Variants in MAP7D2 observed in about 807,000 individuals in gnomAD.
MAP7D2 encodes MAP7 domain-containing protein 2.
Under a neutral mutation model 63.5 loss-of-function variants are expected in MAP7D2, and 33 were observed. The observed-to-expected ratio is 0.52, with a 90% CI of 0.39 to 0.70. The LOEUF (loss-of-function observed/expected upper bound fraction) is 0.70. MAP7D2 is among the 30% of genes least tolerant of loss of function. The pLI, the probability that MAP7D2 is intolerant of heterozygous loss-of-function variation, is 0.00. For missense variants in MAP7D2, 626 were observed against 604.0 expected, an observed-to-expected ratio of 1.04 and a Z score of -0.38; for synonymous variants, 224 against 223.7, an observed-to-expected ratio of 1.00 and a Z score of -0.01.
rs766352048 is a variant in MAP7D2, at chrX:20,010,842, G to A, written c.2283C>T (p.Asn761=). Residue 761 remains asparagine (N), a synonymous_variant, in exon 16 of 17, where the codon AAC becomes AAT. Transcript: ENST00000379643. ...DCNKNLIEGF[N]SPGQETPLNT... is the part of the protein sequence containing the mutation. Reference sequence around the variant, plus strand: ...TGAGAGGAGTTTCTTGGCCAGGACTGTTAAATCCTTCGATAAGGTTTTTGT... The same window carrying A: ...TGAGAGGAGTTTCTTGGCCAGGACTATTAAATCCTTCGATAAGGTTTTTGT... 57 of 1,208,446 alleles carry A rather than the reference G, an allele frequency of 4.7e-5. No individual in the cohort carries two copies. Among genetic ancestry groups the A allele is most frequent in the Non-Finnish European group, 6.3e-5 (56 of 894,681 alleles).
At chrX:20,112,433 A>T (rs1177353393) in intron 1 of MAP7D2, among the ~76,000 whole-genome samples, 1 of 112,224 alleles carries the variant, frequency 8.9e-6, no homozygotes, top group Non-Finnish European at 1.9e-5. Flanking sequence ...GGCAAGAGGA[A>T]AACAAATGCT....
At chrX:20,051,995 G>C (rs1467621276) in intron 5 of MAP7D2, among the ~76,000 whole-genome samples, 1 of 111,958 alleles carries the variant, frequency 8.9e-6, no homozygotes, top group African/African-American at 3.2e-5. Context: ...ACCTTATAGG[G>C]TCTCTGACAC....
intron 16 of MAP7D2, among the ~76,000 whole-genome samples, chrX:20,010,041 T>C (rs1363341199): frequency 8.9e-6 from 1 of 111,941 alleles, no homozygotes; most frequent in Non-Finnish European, 1.9e-5. Context: ...ATTGGAATTA[T>C]TAAATTATTA....
chrX:20,077,963 A>G (rs759475214), intron 1 of MAP7D2, among the ~76,000 whole-genome samples: 1 of 112,245 alleles, frequency 8.9e-6, no homozygotes, highest in South Asian at 3.7e-4. Context: ...GTCTTCAGCA[A>G]AATAAGTAAT....
Position 20,024,991 on chromosome X carries a change from G to A in MAP7D2, c.1372C>T (p.Gln458Ter), listed in dbSNP as rs1421215931. Residue 458 changes from glutamine (Q) to a stop codon, truncating the protein, a stop_gained, in exon 10 of 17, where the codon CAG becomes TAG. Transcript: ENST00000379643. LOFTEE classifies it high-confidence loss of function. ...KRRQARLQKE[Q>*]EEQERLEKEE... ...TTCTCCAGTCGTTCTTGCTCCTCCTGTTCCTTCTGCAGCCGGGCCTGTCTT... is the reference window on the plus strand; with the variant it reads ...TTCTCCAGTCGTTCTTGCTCCTCCTATTCCTTCTGCAGCCGGGCCTGTCTT... The A allele has an allele frequency of 3.3e-6, 4 of 1,211,504 alleles. No homozygotes were observed. The highest frequency in any genetic ancestry group is 3.4e-6 in the Non-Finnish European group (3 of 895,305).
chrX:20,086,151 C>T (rs1299393681), intron 1 of MAP7D2, among the ~76,000 whole-genome samples: 4 of 112,333 alleles, frequency 3.6e-5, no homozygotes, highest in African/African-American at 1.3e-4. Context: ...TACAGGCAGG[C>T]CCTAAGGTGT....
At chrX:20,052,771 C>T (rs1013182169) in intron 5 of MAP7D2, 107 bp downstream of exon 5, 12 of 599,240 alleles carry the variant, frequency 2.0e-5, no homozygotes, top group African/African-American at 1.4e-4. Flanking sequence ...AGGACAATGA[C>T]GGTATCTGCA....
At chrX:20,088,525 A>G (rs1212510957) in intron 1 of MAP7D2, among the ~76,000 whole-genome samples, 3 of 83,180 alleles carry the variant, frequency 3.6e-5, no homozygotes, top group East Asian at 4.5e-4. Flanking sequence ...GGGTCCTACC[A>G]TCTTGCCCTG....
chrX:20,019,024 CCT>C (rs2073533036), intron 10 of MAP7D2, among the ~76,000 whole-genome samples: 1 of 109,673 alleles, frequency 9.1e-6, no homozygotes, highest in African/African-American at 3.3e-5. Flanking sequence ...TGTGTGTAGT[CCT>C]TTTTTTTTTT....
At chrX:20,108,924 G>A (rs1268839863) in intron 1 of MAP7D2, among the ~76,000 whole-genome samples, 1 of 109,979 alleles carries the variant, frequency 9.1e-6, no homozygotes, top group Non-Finnish European at 1.9e-5. Flanking sequence ...CAATAATTGT[G>A]GGCACAGAGA....
At chrX:20,023,415 T>C (rs1260273286) in intron 10 of MAP7D2, among the ~76,000 whole-genome samples, 1 of 111,891 alleles carries the variant, frequency 8.9e-6, no homozygotes, top group East Asian at 2.8e-4. Context: ...TTTAAGGGGA[T>C]GAGGGGCAGA....
chrX:20,070,525 G>T (rs769434973), intron 1 of MAP7D2, among the ~76,000 whole-genome samples: 94 of 110,818 alleles, frequency 8.5e-4, no homozygotes, highest in African/African-American at 2.7e-3. Flanking sequence ...GCCCTGGGAA[G>T]GACCTAAAGG....
At chrX:20,079,930 C>A (rs1038270746) in intron 1 of MAP7D2, among the ~76,000 whole-genome samples, 2 of 111,224 alleles carry the variant, frequency 1.8e-5, no homozygotes, top group Non-Finnish European at 3.8e-5. Flanking sequence ...GCTTTCTCTG[C>A]CAAGCTGATA....
In MAP7D2 at chrX:20,012,456, G is replaced by A. The variant is rs2073235988; in HGVS notation, c.1965C>T (p.Phe655=). ...CCCCAGCTGGCTTAAGCCCATTAGAGAAAATGTCTTGGGGATAAGTTTCTG... is the reference window on the plus strand; with the variant it reads ...CCCCAGCTGGCTTAAGCCCATTAGAAAAAATGTCTTGGGGATAAGTTTCTG... ...AAPETYPQDI[F]SNGLKPAGGL... The change falls in exon 15 of 17, where the codon TTC becomes TTT. Residue 655 remains phenylalanine, a synonymous_variant. Coordinates refer to ENST00000379643, the MANE Select transcript of MAP7D2 (RefSeq NM_001168465.2). 7 of 1,209,680 alleles carry A rather than the reference G, an allele frequency of 5.8e-6. No homozygotes were observed. Among genetic ancestry groups the A allele is most frequent in the Non-Finnish European group, 7.8e-6 (7 of 894,202 alleles).
chrX:20,081,188 A>G (rs746967376), intron 1 of MAP7D2, among the ~76,000 whole-genome samples: 2 of 112,589 alleles, frequency 1.8e-5, no homozygotes, highest in East Asian at 5.6e-4. Context: ...TTACCTGTGG[A>G]GTTTCCAGTA....
chrX:20,069,371 T>A (rs1314455653), intron 1 of MAP7D2, among the ~76,000 whole-genome samples: 3 of 110,507 alleles, frequency 2.7e-5, no homozygotes, highest in Non-Finnish European at 5.7e-5. Flanking sequence ...CATGCCTGGC[T>A]AATTTTTTTA....
chrX:20,079,262 T>C (rs914147042), intron 1 of MAP7D2, among the ~76,000 whole-genome samples: 9 of 111,532 alleles, frequency 8.1e-5, no homozygotes, highest in African/African-American at 2.6e-4. Context: ...TGAAGTCACC[T>C]GCAAAGGCCC....
intron 10 of MAP7D2, among the ~76,000 whole-genome samples, chrX:20,019,750 T>A (rs2073567219): frequency 8.9e-6 from 1 of 112,261 alleles, no homozygotes; most frequent in Non-Finnish European, 1.9e-5. Context: ...TCTCCTGACC[T>A]GCCCTGGTTA....
Position 20,048,305 on chromosome X carries a change from G to A in MAP7D2, c.718+2519C>T, listed in dbSNP as rs1422027316. ...CCTCTGTAAAAACCGTTGGCACTGAGTCTCTAAAAAGCTTCCCTGGTTGGC... is the reference window on the plus strand; with the variant it reads ...CCTCTGTAAAAACCGTTGGCACTGAATCTCTAAAAAGCTTCCCTGGTTGGC... On this transcript the variant is annotated intron_variant, in intron 6 of 16. Coordinates refer to ENST00000379643, the MANE Select transcript of MAP7D2 (RefSeq NM_001168465.2). Among the ~76,000 whole-genome samples the A allele has an allele frequency of 5.4e-5, 6 of 111,746 alleles. No homozygotes were observed. In the Admixed American group the frequency reaches 5.7e-4, roughly 11 times the overall value.
Sources: gnomAD v4.1 joint callset for allele counts (sites outside exome capture counted in the v4.1 genomes callset) on GRCh38, gnomAD v4.1.1 for gene constraint, MANE v1.5 for transcripts, NCBI Gene and HGNC (gene_info 2026-07-23, HGNC 2026-07-21) for gene names.